SLC26A4: variants seen among roughly 807,000 people sequenced by gnomAD.
SLC26A4 encodes the protein solute carrier family 26 member 4.
In SLC26A4, 93 loss-of-function variants were observed where a neutral mutation model predicts 90.4. The ratio of observed to expected loss-of-function variants is 1.03; its 90% CI spans 0.87 to 1.22. The LOEUF is 1.22. SLC26A4 is among the 50% of genes most tolerant of loss of function. The pLI, the probability that SLC26A4 is intolerant of heterozygous loss-of-function variation, is 0.00. For synonymous variants in SLC26A4, 393 were observed against 354.6 expected (o/e 1.11, Z -1.22); for missense variants, 1,127 against 946.2 (o/e 1.19, Z -2.51).
intron 13 of SLC26A4, among the ~76,000 whole-genome samples, chr7:107,696,307 C>T (rs946099208): frequency 1.4e-4 from 21 of 152,286 alleles, no homozygotes; most frequent in Admixed American, 2.0e-4. Flanking sequence ...ACAGCTAGTA[C>T]GTGGCAGAGC....
chr7:107,674,380 T>A (rs1196265473), intron 5 of SLC26A4, 32 bp downstream of exon 5: 4 of 1,463,336 alleles, frequency 2.7e-6, no homozygotes, highest in Non-Finnish European at 3.8e-6. Flanking sequence ...TATAGATGGA[T>A]GTAATTTTTA....
intron 10 of SLC26A4, 113 bp downstream of exon 10, chr7:107,690,350 C>T: frequency 1.3e-6 from 1 of 743,882 alleles, no homozygotes; most frequent in African/African-American, 1.7e-5. Context: ...CTTGTACTTC[C>T]TAATCTGATT....
intron 3 of SLC26A4, among the ~76,000 whole-genome samples, chr7:107,665,538 A>G (rs1790684224): frequency 2.0e-5 from 3 of 152,212 alleles, no homozygotes; most frequent in Admixed American, 6.5e-5. Context: ...TAGCACAGAG[A>G]CAGGCACATA....
At chr7:107,686,958 T>C (rs934192359) in intron 8 of SLC26A4, among the ~76,000 whole-genome samples, 14 of 152,184 alleles carry the variant, frequency 9.2e-5, no homozygotes, top group African/African-American at 3.4e-4. Flanking sequence ...CCACAGGGTT[T>C]TTTTCCTGGC....
rs758057358 is a variant in SLC26A4, at chr7:107,663,392, C to T, written c.261C>T (p.Asp87=). Residue 87 remains aspartate, a synonymous_variant, in exon 3 of 21, where the codon GAC becomes GAT. Transcript: ENST00000644269. ...KYRVKEWLLS[D]VISGVSTGLV... The stretch of plus-strand genomic sequence containing the variant: ...GAGTCAAGGAATGGCTGCTTAGTGA[C>T]GTCATTTCGGGAGTTAGTACTGGGC... 5.0e-6 allele frequency: 8 copies of T among 1,613,874 alleles called. No homozygotes were observed. The South Asian group carries it at 5.5e-5, about 11-fold the overall frequency.
chr7:107,699,452 G>C (rs1466882957), intron 14 of SLC26A4, among the ~76,000 whole-genome samples: 1 of 152,094 alleles, frequency 6.6e-6, no homozygotes, highest in African/African-American at 2.4e-5. Flanking sequence ...AAGAATGTTA[G>C]CAAAATCAGG....
At chr7:107,699,454 A>C (rs538725754) in intron 14 of SLC26A4, among the ~76,000 whole-genome samples, 1 of 152,302 alleles carries the variant, frequency 6.6e-6, no homozygotes, top group South Asian at 2.1e-4. Flanking sequence ...GAATGTTAGC[A>C]AAATCAGGAG....
At chr7:107,680,059 A>G (rs1471727201) in intron 6 of SLC26A4, among the ~76,000 whole-genome samples, 6 of 128,424 alleles carry the variant, frequency 4.7e-5, no homozygotes, top group African/African-American at 1.6e-4. Context: ...TATATAATAT[A>G]ATCTTATTAT....
chr7:107,695,142 C>A (rs1366706815), intron 12 of SLC26A4, among the ~76,000 whole-genome samples: 2 of 152,168 alleles, frequency 1.3e-5, no homozygotes, highest in Non-Finnish European at 2.9e-5. Flanking sequence ...GAAGCTAAAT[C>A]CTTCAGAGTT....
chr7:107,678,134 C>G (rs892884895), intron 6 of SLC26A4, among the ~76,000 whole-genome samples: 4 of 152,138 alleles, frequency 2.6e-5, no homozygotes, highest in Non-Finnish European at 5.9e-5. Context: ...GGCTCTGTAA[C>G]TTTTGCAGCT....
chr7:107,693,236 GCA>G (rs1791628231), intron 10 of SLC26A4: 1 of 932,772 alleles, frequency 1.1e-6, no homozygotes, highest in Non-Finnish European at 1.3e-6. Flanking sequence ...AAGGGAAAGA[GCA>G]CCAGGGTACT....
intron 20 of SLC26A4, among the ~76,000 whole-genome samples, chr7:107,714,274 C>T (rs1232985541): frequency 6.6e-6 from 1 of 152,090 alleles, no homozygotes; most frequent in African/African-American, 2.4e-5. Context: ...CCCCAGTACC[C>T]GTTACCTGGT....
At chr7:107,696,106 T>C (rs1791736095) in intron 13 of SLC26A4, 67 bp downstream of exon 13, 4 of 917,072 alleles carry the variant, frequency 4.4e-6, no homozygotes, top group South Asian at 2.6e-5. Context: ...TTATACCATT[T>C]TGATAAATAT....
chr7:107,688,901 A>G, intron 8 of SLC26A4, 152 bp from the exon 9 acceptor site: 1 of 721,228 alleles, frequency 1.4e-6, no homozygotes, highest in Admixed American at 2.4e-5. Context: ...AAAAGCTGCT[A>G]CTATCATGTA....
At chr7:107,695,061 T>G (rs996771478) in intron 12 of SLC26A4, among the ~76,000 whole-genome samples, 1 of 152,114 alleles carries the variant, frequency 6.6e-6, no homozygotes, top group African/African-American at 2.4e-5. Context: ...AAATACAAAA[T>G]GTAAAAACCC....
intron 8 of SLC26A4, 24 bp downstream of exon 8, chr7:107,683,561 AC>A (rs771549055): frequency 6.4e-7 from 1 of 1,568,042 alleles, no homozygotes. Context: ...TCCTCTTAGT[AC>A]TAATACATTA....
intron 3 of SLC26A4, among the ~76,000 whole-genome samples, chr7:107,670,254 G>T (rs1790826810): frequency 6.6e-6 from 1 of 151,762 alleles, no homozygotes; most frequent in South Asian, 2.1e-4. Flanking sequence ...GATTACAGGT[G>T]CCTACCCCCA....
At position 107,694,404 on chromosome 7, in the gene SLC26A4, T is replaced by A; in HGVS notation, c.1265T>A (p.Val422Asp). ...TCATAGGAGGTGTGTGTCTTCCAGG[T>A]TGCTGGCATCATCTCTGCTGCGATT... ...VQESTGGKTQ[V>D]AGIISAAIVM... Residue 422 changes from valine to aspartate, a missense_variant and splice_region_variant, in exon 11 of 21, where the codon GTT becomes GAT. Transcript: ENST00000644269. 1.9e-6 allele frequency: 3 copies of A among 1,612,958 alleles called. No homozygotes were observed. The highest frequency in any genetic ancestry group is 2.5e-6 in the Non-Finnish European group (3 of 1,179,054).
chr7:107,714,762 G>A (rs1376578000), intron 20 of SLC26A4, among the ~76,000 whole-genome samples: 3 of 151,896 alleles, frequency 2.0e-5, no homozygotes, highest in Admixed American at 2.0e-4. Flanking sequence ...TGCACCCCAG[G>A]GCAAATTACT....
Sources: allele counts gnomAD v4.1 joint callset (sites outside exome capture counted in the v4.1 genomes callset), GRCh38; gene constraint gnomAD v4.1.1; transcripts MANE v1.5; gene names NCBI Gene and HGNC (gene_info 2026-07-23, HGNC 2026-07-21).